Variants in GUCY2C observed in about 807,000 individuals in gnomAD.
The protein encoded by GUCY2C is guanylate cyclase 2C.
A neutral mutation model predicts 131.1 loss-of-function variants in GUCY2C; 118 were observed. That is an observed-to-expected ratio of 0.90 (90% confidence interval 0.78 to 1.05). GUCY2C has a LOEUF of 1.05. Ranked by LOEUF, GUCY2C falls within the 50% of genes least tolerant of loss-of-function variation. The pLI, the probability that GUCY2C is intolerant of heterozygous loss-of-function variation, is 0.00. For missense variants in GUCY2C, 1,161 were observed against 1,304.4 expected, an observed-to-expected ratio of 0.89 and a Z score of 1.69; for synonymous variants, 452 against 457.8, an observed-to-expected ratio of 0.99 and a Z score of 0.16.
rs374849906 is a variant in GUCY2C, at chr12:14,666,717, A to G, written c.1282+3005T>C. Among the ~76,000 whole-genome samples the G allele has an allele frequency of 2.8e-5, 4 of 140,462 alleles. No homozygotes were observed. In the South Asian group the frequency reaches 7.2e-4, roughly 25 times the overall value. The allele number at this position is 140,462 out of a possible 152,430, so 92.1% of individuals were successfully genotyped here. On this transcript the variant is annotated intron_variant, in intron 10 of 26. Transcript: ENST00000261170. ...ACCACTGTACTCCAGCCTGGGTGAT[A>G]CAGCCAGACAATGTCTCCAAAAAAA... is the stretch of plus-strand genomic sequence containing the variant.
rs772088729 is a variant in GUCY2C at position 14,651,998 on chromosome 12, A to G, written c.1566T>C (p.Asp522=). 5.0e-6 allele frequency: 8 copies of G among 1,603,464 alleles called. No homozygotes were observed. Among genetic ancestry groups the G allele is most frequent in the Admixed American group, 3.3e-5 (2 of 59,722 alleles). The part of the protein sequence containing the change: ...RVILKDLKHN[D]GNFTEKQKIE... Reference sequence around the variant, plus strand: ...TCTTCTGTTTTTCAGTGAAATTACCATCATTGTGCTTGAGATCTTTGAGAA... The same window carrying G: ...TCTTCTGTTTTTCAGTGAAATTACCGTCATTGTGCTTGAGATCTTTGAGAA... The change falls in exon 14 of 27, where the codon GAT becomes GAC. Residue 522 remains aspartate (D), a synonymous_variant. Coordinates refer to ENST00000261170, the MANE Select transcript of GUCY2C (RefSeq NM_004963.4).
At chr12:14,638,084 A>G (rs1210537878) in intron 19 of GUCY2C, among the ~76,000 whole-genome samples, 1 of 152,234 alleles carries the variant, frequency 6.6e-6, no homozygotes, top group East Asian at 1.9e-4. Context: ...TCAAAAGAAG[A>G]TTTATAAATG....
At chr12:14,625,991 T>C in intron 20 of GUCY2C, 76 bp from the exon 21 acceptor site, 1 of 831,088 alleles carries the variant, frequency 1.2e-6, no homozygotes, top group Non-Finnish European at 1.9e-6. Context: ...AATGGACAAA[T>C]ATGATGAACA....
intron 20 of GUCY2C, among the ~76,000 whole-genome samples, chr12:14,628,176 T>G (rs140074345): frequency 6.6e-6 from 1 of 152,262 alleles, no homozygotes; most frequent in Non-Finnish European, 1.5e-5. Context: ...ACCAGATAAT[T>G]GTGTACTTTT....
At chr12:14,632,791 G>A (rs945129386) in intron 19 of GUCY2C, among the ~76,000 whole-genome samples, 2 of 152,108 alleles carry the variant, frequency 1.3e-5, no homozygotes, top group South Asian at 2.1e-4. Context: ...TCAGCCTACC[G>A]TGTAGGGGCC....
rs537256102 is a variant in GUCY2C, at chr12:14,659,137, C to T, written c.1364+1844G>A. ...CTCTGCTCACTGCAACCTCCGCCTC[C>T]CGGGTTCAAGATCTTCCTGCCTCAG... is the stretch of plus-strand genomic sequence containing the variant. On this transcript the variant is annotated intron_variant, in intron 11 of 26. Coordinates refer to ENST00000261170, the MANE Select transcript of GUCY2C (RefSeq NM_004963.4). Among the ~76,000 whole-genome samples, 6 of 152,088 alleles carry T rather than the reference C, an allele frequency of 3.9e-5. No homozygotes were observed. In the East Asian group the frequency reaches 1.2e-3, roughly 29 times the overall value.
chr12:14,691,669 G>C (rs1021816193), intron 1 of GUCY2C, among the ~76,000 whole-genome samples: 5 of 152,222 alleles, frequency 3.3e-5, no homozygotes, highest in Admixed American at 2.6e-4. Context: ...CAGTGAAAAT[G>C]ACACTTAAAA....
chr12:14,628,842 A>T, intron 19 of GUCY2C, 105 bp from the exon 20 acceptor site: 1 of 725,206 alleles, frequency 1.4e-6, no homozygotes, highest in Non-Finnish European at 2.5e-6. Flanking sequence ...GGAATAGTTT[A>T]AAAATATCTT....
intron 10 of GUCY2C, chr12:14,666,066 T>G (rs940476344): frequency 4.6e-5 from 7 of 152,308 alleles, no homozygotes; most frequent in Non-Finnish European, 8.8e-5. Context: ...AGCAGTAGGT[T>G]ATATAGGGAG....
chr12:14,673,599 T>C (rs1416461307), intron 8 of GUCY2C, among the ~76,000 whole-genome samples: 1 of 152,226 alleles, frequency 6.6e-6, no homozygotes, highest in African/African-American at 2.4e-5. Flanking sequence ...ATAGAAACTA[T>C]TATTATCTCC....
chr12:14,625,980 C>G (rs1947006119), intron 20 of GUCY2C, 65 bp from the exon 21 acceptor site: 4 of 931,700 alleles, frequency 4.3e-6, no homozygotes, highest in Non-Finnish European at 6.7e-6. Flanking sequence ...TCCAATAAAA[C>G]AATGGACAAA....
rs1340302042 is a variant in GUCY2C, at chr12:14,625,898, T to C, written c.2267A>G (p.Lys756Arg). The C allele has an allele frequency of 1.9e-6, 3 of 1,613,130 alleles. No individual in the cohort carries two copies. Among genetic ancestry groups the C allele is most frequent in the African/African-American group, 1.3e-5 (1 of 75,028 alleles). The change falls in exon 21 of 27, where the codon AAA (lysine) becomes AGA (arginine). Residue 756 changes from lysine to arginine, a missense_variant. By Grantham distance (26) the Lys-to-Arg change is conservative. Transcript: ENST00000261170. Reference sequence around the variant, plus strand: ...CAAGGTATCCATATAGCTTTCATTTTTTTGGTCATGAAAAAGTCTGTAGGT... The same window carrying C: ...CAAGGTATCCATATAGCTTTCATTTCTTTGGTCATGAAAAAGTCTGTAGGT... The part of the protein sequence containing the change: ...AKIFGLFHDQ[K>R]NESYMDTLIR...
intron 23 of GUCY2C, 126 bp from the exon 24 acceptor site, chr12:14,619,435 T>C (rs184440399): frequency 3.6e-4 from 223 of 623,182 alleles, no homozygotes; most frequent in African/African-American, 2.8e-3. Context: ...TAGCTGAGGA[T>C]GTGAAATGTG....
rs148668552 is a variant in GUCY2C, at chr12:14,681,600, A to G, written c.612-123T>C. 9.2e-5 allele frequency: 70 copies of G among 761,666 alleles called. No homozygotes were observed. The East Asian group carries it at 1.7e-3, about 19-fold the overall frequency. The allele number at this position is 761,666 out of a possible 1,614,324, so 47.2% of individuals were successfully genotyped here. ...TCTAAAATTCATTTCTGCTATTAAC[A>G]CAATAGACAGCACACACCATGATAC... On this transcript the variant is annotated intron_variant, in intron 4 of 26. Coordinates refer to ENST00000261170, the MANE Select transcript of GUCY2C (RefSeq NM_004963.4).
rs775190584 is a variant in GUCY2C at position 14,616,704 on chromosome 12, A to G, written c.2899T>C (p.Ser967Pro). The G allele has an allele frequency of 6.2e-7, 1 of 1,606,604 alleles. No individual in the cohort carries two copies. Among genetic ancestry groups the G allele is most frequent in the East Asian group, 2.2e-5 (1 of 44,830 alleles). Reference sequence around the variant, plus strand: ...GTTCTCTTCAGGATGGCTATGGTGGAGCCACTCACGTGAATTCTCAAAGCT... The same window carrying G: ...GTTCTCTTCAGGATGGCTATGGTGGGGCCACTCACGTGAATTCTCAAAGCT... Reference protein sequence around the residue: ...GLPLRIHVSGSTIAILKRTEC... With the variant: ...GLPLRIHVSGPTIAILKRTEC... Residue 967 changes from serine to proline, a missense_variant, in exon 25 of 27, where the codon TCC (serine) becomes CCC (proline). Transcript: ENST00000261170.
intron 1 of GUCY2C, among the ~76,000 whole-genome samples, chr12:14,692,301 C>A (rs962493348): frequency 7.2e-5 from 11 of 152,118 alleles, no homozygotes; most frequent in Admixed American, 1.3e-4. Flanking sequence ...TTCCATTAAG[C>A]TTGACATTAA....
intron 15 of GUCY2C, among the ~76,000 whole-genome samples, chr12:14,651,112 A>G (rs1214487203): frequency 6.6e-6 from 1 of 152,204 alleles, no homozygotes; most frequent in Non-Finnish European, 1.5e-5. Context: ...CTTTTAATAC[A>G]AAAGCAAGTA....
At chr12:14,631,284 GGTTA>G (rs1947140031) in intron 19 of GUCY2C, among the ~76,000 whole-genome samples, 2 of 152,040 alleles carry the variant, frequency 1.3e-5, no homozygotes, top group African/African-American at 4.8e-5. Flanking sequence ...ACAATGTGCA[GGTTA>G]GTTACATATG....
rs936822791 is a variant in GUCY2C at position 14,631,477 on chromosome 12, G to A, written c.2158-2740C>T. ...ATTCCACCTATGAATGAGAACATGC[G>A]GTGTTTGGTTTTTTGTCCTTGCAAT... is the stretch of plus-strand genomic sequence containing the variant. On this transcript the variant is annotated intron_variant, in intron 19 of 26. Coordinates refer to ENST00000261170, the MANE Select transcript of GUCY2C (RefSeq NM_004963.4). Among the ~76,000 whole-genome samples the A allele has an allele frequency of 2.0e-5, 3 of 151,334 alleles. No homozygotes were observed. The South Asian group carries it at 6.3e-4, about 32-fold the overall frequency.
Sources: gnomAD v4.1 joint callset for allele counts (sites outside exome capture counted in the v4.1 genomes callset) on GRCh38, gnomAD v4.1.1 for gene constraint, MANE v1.5 for transcripts, NCBI Gene and HGNC (gene_info 2026-07-23, HGNC 2026-07-21) for gene names.